The following STAB2 variants were observed in gnomAD, a reference collection of about 807,000 sequenced individuals.
STAB2 encodes the protein stabilin 2, also known as stabilin-2.
In STAB2, 288 loss-of-function variants were observed where a neutral mutation model predicts 338.1. That is an observed-to-expected ratio of 0.85 (90% CI 0.77 to 0.94). The LOEUF (loss-of-function observed/expected upper bound fraction) is 0.94. STAB2 is among the 40% of genes least tolerant of loss of function. STAB2 has a pLI of 0.00. For synonymous variants in STAB2, 1,202 were observed against 1,193.3 expected (o/e 1.01, Z -0.15); for missense variants, 3,141 against 3,210.1 (o/e 0.98, Z 0.52).
At position 103,759,242 on chromosome 12, in the gene STAB2, T is replaced by A. The variant is rs756879329; in HGVS notation, c.7217T>A (p.Leu2406His). 1 of 1,614,050 alleles carries A rather than the reference T, an allele frequency of 6.2e-7. No homozygotes were observed. Among genetic ancestry groups the A allele is most frequent in the South Asian group, 1.1e-5 (1 of 91,082 alleles). The part of the protein sequence containing the change: ...TLQTRLGSKL[L>H]ITASQDPLQP... ...CAAACGAGGCTGGGAAGCAAGCTGC[T>A]CATCACTGCCAGCCAGGACCCACTC... is the stretch of plus-strand genomic sequence containing the variant. Residue 2406 changes from leucine (L) to histidine (H), a missense_variant, in exon 65 of 69, where the codon CTC becomes CAC. Transcript: ENST00000388887.
chr12:103,620,910 A>G (rs937072797), intron 4 of STAB2, among the ~76,000 whole-genome samples: 4 of 152,272 alleles, frequency 2.6e-5, no homozygotes. Context: ...CATCCTAGCC[A>G]GCATGGTGAA....
At chr12:103,660,539 T>G in intron 16 of STAB2, 144 bp from the exon 17 acceptor site, 1 of 1,284,880 alleles carries the variant, frequency 7.8e-7, no homozygotes, top group Non-Finnish European at 1.1e-6. Context: ...CAGAGCGATC[T>G]TCAAAGCCAC....
intron 39 of STAB2, chr12:103,711,201 G>A: frequency 4.3e-6 from 2 of 469,088 alleles, no homozygotes; most frequent in East Asian, 7.2e-5. Context: ...ATTCCAGGGA[G>A]AATTCTGTGT....
intron 68 of STAB2, chr12:103,766,045 C>A (rs544254949): frequency 2.4e-4 from 158 of 659,346 alleles, no homozygotes; most frequent in Non-Finnish European, 4.0e-4. Context: ...AAACTGCAGC[C>A]GAGTTGGGAT....
At chr12:103,748,605 T>TACACAC (rs71097994) in intron 58 of STAB2, among the ~76,000 whole-genome samples, 59 of 141,806 alleles carry the variant, frequency 4.2e-4, no homozygotes, top group South Asian at 7.0e-4. Flanking sequence ...CACACACACA[T>TACACAC]ACACACACAC....
intron 3 of STAB2, among the ~76,000 whole-genome samples, chr12:103,613,253 G>T (rs1030557721): frequency 6.6e-6 from 1 of 152,188 alleles, no homozygotes; most frequent in African/African-American, 2.4e-5. Flanking sequence ...GGTTTCTGCT[G>T]CCTTTTGTTT....
chr12:103,612,270 T>G (rs1175299099), intron 3 of STAB2, among the ~76,000 whole-genome samples: 1 of 152,276 alleles, frequency 6.6e-6, no homozygotes, highest in Non-Finnish European at 1.5e-5. Flanking sequence ...GATAATATCC[T>G]GCAGAGTGTT....
At chr12:103,660,914 T>C (rs1285216871) in intron 17 of STAB2, 151 bp downstream of exon 17, 2 of 847,176 alleles carry the variant, frequency 2.4e-6, no homozygotes, top group South Asian at 1.6e-5. Flanking sequence ...TCAGCAGATA[T>C]GTGCTGAGCA....
At chr12:103,590,663 A>T (rs1386389545) in intron 1 of STAB2, among the ~76,000 whole-genome samples, 1 of 152,216 alleles carries the variant, frequency 6.6e-6, no homozygotes, top group African/African-American at 2.4e-5. Context: ...GTATGGTACA[A>T]ACAGTGGCTC....
At chr12:103,627,100 C>G (rs182186894) in intron 5 of STAB2, among the ~76,000 whole-genome samples, 1 of 152,118 alleles carries the variant, frequency 6.6e-6, no homozygotes, top group Non-Finnish European at 1.5e-5. Context: ...TCTCCTTTTA[C>G]GGATGAAGAA....
Position 103,660,696 on chromosome 12 carries a change from C to G in STAB2, c.1802C>G (p.Thr601Ser). The G allele has an allele frequency of 6.2e-7, 1 of 1,614,108 alleles. No individual in the cohort carries two copies. Among genetic ancestry groups the G allele is most frequent in the Non-Finnish European group, 8.5e-7 (1 of 1,180,002 alleles). ...IVPFTQLEVA[T>S]LISTPHIRSM... is the part of the protein sequence containing the mutation. ...TTCTTATTGCAGCTTGAAGTGGCCA[C>G]TCTCATCTCCACCCCTCACATCAGG... Residue 601 changes from threonine to serine, a missense_variant, in exon 17 of 69, where the codon ACT becomes AGT. By Grantham distance (58) the Thr-to-Ser change is moderately conservative. Transcript: ENST00000388887.
At chr12:103,752,747 A>C (rs765000232) in intron 60 of STAB2, among the ~76,000 whole-genome samples, 12 of 152,216 alleles carry the variant, frequency 7.9e-5, no homozygotes, top group Non-Finnish European at 1.6e-4. Flanking sequence ...ATTTTGGGAT[A>C]TAATTATGAT....
chr12:103,680,026 C>G (rs76106947), intron 25 of STAB2, among the ~76,000 whole-genome samples: 1,576 of 152,272 alleles, frequency 0.01, 32 homozygotes, highest in African/African-American at 0.036. Context: ...AAGCCAGAGA[C>G]AGAAGGACAA....
At chr12:103,743,786 C>A (rs1408310385) in intron 56 of STAB2, among the ~76,000 whole-genome samples, 1 of 152,142 alleles carries the variant, frequency 6.6e-6, no homozygotes, top group African/African-American at 2.4e-5. Context: ...GGGACAGAAG[C>A]CAGCTTGGTG....
rs1863033618 is a variant in STAB2 at position 103,713,758 on chromosome 12, T to C, written c.4527T>C (p.Ile1509=). The C allele has an allele frequency of 6.2e-7, 1 of 1,613,786 alleles. No homozygotes were observed. The highest frequency in any genetic ancestry group is 8.5e-7 in the Non-Finnish European group (1 of 1,179,812). Residue 1509 remains isoleucine, a synonymous_variant, in exon 42 of 69, where the codon ATT becomes ATC. Coordinates refer to ENST00000388887, the MANE Select transcript of STAB2 (RefSeq NM_017564.10). The stretch of plus-strand genomic sequence containing the variant: ...AAGCAGGCTACACGGGTGATGGCAT[T>C]GTGTGCCTGGGTAGGTGTCCTTCCC... ...TCKAGYTGDG[I]VCLEINPCLE... is the part of the protein sequence containing the mutation.
intron 63 of STAB2, among the ~76,000 whole-genome samples, chr12:103,757,032 A>T (rs868075692): frequency 3.0e-5 from 4 of 132,994 alleles, no homozygotes; most frequent in South Asian, 2.3e-4. Context: ...TATATATATA[A>T]AATATATATA....
At chr12:103,660,643 GT>G in intron 16 of STAB2, 39 bp from the exon 17 acceptor site, 1 of 1,605,924 alleles carries the variant, frequency 6.2e-7, no homozygotes. Context: ...CCTGCGTGTG[GT>G]CCCAAATATC....
At chr12:103,649,212 G>A (rs191225163) in intron 10 of STAB2, among the ~76,000 whole-genome samples, 118 of 152,226 alleles carry the variant, frequency 7.8e-4, no homozygotes, top group African/African-American at 2.6e-3. Context: ...GAATAGAGAG[G>A]GTGACTGAGA....
intron 15 of STAB2, among the ~76,000 whole-genome samples, chr12:103,658,353 G>A (rs1044120145): frequency 6.6e-6 from 1 of 152,114 alleles, no homozygotes; most frequent in Non-Finnish European, 1.5e-5. Flanking sequence ...AACCTACCCT[G>A]TTCGAGCCAC....
Sources: allele counts gnomAD v4.1 joint callset (sites outside exome capture counted in the v4.1 genomes callset), GRCh38; gene constraint gnomAD v4.1.1; transcripts MANE v1.5; gene names NCBI Gene and HGNC (gene_info 2026-07-23, HGNC 2026-07-21).